The following AGXT2 variants were observed in gnomAD, a reference collection of about 807,000 sequenced individuals.
AGXT2 encodes alanine--glyoxylate aminotransferase 2, mitochondrial.
In AGXT2, 61 loss-of-function variants were observed where a neutral mutation model predicts 62.5. The observed-to-expected ratio is 0.98, with a 90% confidence interval of 0.79 to 1.21. The LOEUF is 1.21. AGXT2 is among the 50% of genes most tolerant of loss of function. The pLI, the probability that AGXT2 is intolerant of heterozygous loss-of-function variation, is 0.00. For missense variants in AGXT2, 666 were observed against 641.5 expected (o/e 1.04, Z -0.41); for synonymous variants, 243 against 218.7 (o/e 1.11, Z -0.98).
intron 13 of AGXT2, among the ~76,000 whole-genome samples, chr5:35,002,315 G>A (rs755272246): frequency 6.6e-6 from 1 of 152,168 alleles, no homozygotes; most frequent in Non-Finnish European, 1.5e-5. Flanking sequence ...GGGGAAGTTG[G>A]GGAAAAATTG....
chr5:35,013,851 CTCTT>C, intron 10 of AGXT2, 132 bp downstream of exon 10: 2 of 1,308,536 alleles, frequency 1.5e-6, no homozygotes, highest in Non-Finnish European at 2.2e-6. Context: ...GACTGTTTCT[CTCTT>C]TCATTTGCTT....
intron 9 of AGXT2, among the ~76,000 whole-genome samples, chr5:35,019,900 G>T (rs917746160): frequency 5.1e-4 from 77 of 152,286 alleles, no homozygotes; most frequent in Non-Finnish European, 8.4e-4. Context: ...TATCACCACT[G>T]ATCCCACAGA....
chr5:35,039,238 G>T, intron 3 of AGXT2, 86 bp downstream of exon 3: 1 of 1,448,332 alleles, frequency 6.9e-7, no homozygotes, highest in African/African-American at 1.4e-5. Context: ...ACCAAGATAA[G>T]CAAATCAAGA....
chr5:35,002,544 T>C (rs1166725102), intron 13 of AGXT2, among the ~76,000 whole-genome samples: 1 of 152,170 alleles, frequency 6.6e-6, no homozygotes, highest in African/African-American at 2.4e-5. Flanking sequence ...AAGTGGAGCC[T>C]TTGGGAAGTG....
intron 12 of AGXT2, among the ~76,000 whole-genome samples, chr5:35,005,661 G>A (rs1275754115): frequency 8.8e-6 from 1 of 113,372 alleles, no homozygotes; most frequent in Admixed American, 9.7e-5. Flanking sequence ...CATCTTGTAT[G>A]CCATCCTCAG....
intron 9 of AGXT2, among the ~76,000 whole-genome samples, chr5:35,023,390 C>T (rs958902569): frequency 1.3e-5 from 2 of 152,126 alleles, no homozygotes; most frequent in African/African-American, 4.8e-5. Context: ...AGAGTTCCAG[C>T]TATTCTTATT....
chr5:35,003,851 C>T lies in AGXT2; in HGVS notation c.1349G>A (p.Arg450Gln). The change falls in exon 13 of 14, where the codon CGG becomes CAG. Residue 450 changes from arginine to glutamine, a missense_variant. By Grantham distance (43) the Arg-to-Gln change is conservative. Coordinates refer to ENST00000231420, the MANE Select transcript of AGXT2 (RefSeq NM_031900.4). Reference sequence around the variant, plus strand: ...ATTTACTTCTTCACGGGGAAGAGGCCGACAGCTTATCTGTAAATATATTTT... The same window carrying T: ...ATTTACTTCTTCACGGGGAAGAGGCTGACAGCTTATCTGTAAATATATTTT... Reference protein sequence around the residue: ...IEMVQDKISCRPLPREEVNQI... With the variant: ...IEMVQDKISCQPLPREEVNQI... The T allele has an allele frequency of 6.2e-7, 1 of 1,613,822 alleles. No individual in the cohort carries two copies. Among genetic ancestry groups the T allele is most frequent in the East Asian group, 2.2e-5 (1 of 44,878 alleles).
chr5:35,042,915 C>T (rs10521022), intron 1 of AGXT2, among the ~76,000 whole-genome samples: 43,669 of 152,006 alleles, frequency 0.29, 6,919 homozygotes, highest in Non-Finnish European at 0.37. Context: ...GCTAACCAGA[C>T]GACAGCTAAT....
chr5:34,998,740 G>A lies in AGXT2; in HGVS notation c.1524C>T (p.His508=), dbSNP rs764132678. The A allele has an allele frequency of 6.2e-7, 1 of 1,613,172 alleles. No homozygotes were observed. The highest frequency in any genetic ancestry group is 1.1e-5 in the South Asian group (1 of 91,070). ...VEVFRSALTQ[H]MERRAK ...AATGTTACTTAGCTCTTCTTTCCAT[G>A]TGTTGGGTTAAGGCAGAACGAAATA... Residue 508 remains histidine (H), a synonymous_variant, in exon 14 of 14, where the codon CAC becomes CAT. Coordinates refer to ENST00000231420, the MANE Select transcript of AGXT2 (RefSeq NM_031900.4).
chr5:35,008,415 C>A (rs114966804), intron 12 of AGXT2, among the ~76,000 whole-genome samples: 1 of 152,258 alleles, frequency 6.6e-6, no homozygotes, highest in Non-Finnish European at 1.5e-5. Flanking sequence ...TCTCATTGGG[C>A]TTTCCTCTCT....
At chr5:35,039,134 C>T (rs985688977) in intron 3 of AGXT2, among the ~76,000 whole-genome samples, 190 bp downstream of exon 3, 3 of 152,120 alleles carry the variant, frequency 2.0e-5, no homozygotes, top group South Asian at 2.1e-4. Context: ...CAAAATCTTG[C>T]ATTGTCAAGA....
intron 13 of AGXT2, 111 bp from the exon 14 acceptor site, chr5:34,998,937 G>A (rs1766128400): frequency 4.9e-6 from 4 of 818,836 alleles, no homozygotes; most frequent in South Asian, 1.4e-5. Flanking sequence ...TGTTTCTCAT[G>A]TTTCTCTCAG....
At chr5:35,021,078 A>G (rs1364894240) in intron 9 of AGXT2, among the ~76,000 whole-genome samples, 2 of 152,224 alleles carry the variant, frequency 1.3e-5, no homozygotes, top group African/African-American at 2.4e-5. Context: ...AAAAGAAGAT[A>G]CAAACAAATG....
chr5:35,010,236 T>C, intron 11 of AGXT2, 87 bp from the exon 12 acceptor site: 1 of 1,513,774 alleles, frequency 6.6e-7, no homozygotes, highest in Non-Finnish European at 9.2e-7. Flanking sequence ...GACATGGCCC[T>C]CTTGTAACTT....
chr5:35,002,919 G>T (rs1032787874), intron 13 of AGXT2, among the ~76,000 whole-genome samples: 26 of 152,236 alleles, frequency 1.7e-4, no homozygotes, highest in Admixed American at 1.7e-3. Flanking sequence ...GTTGTGAGAG[G>T]CAGGGATGGA....
intron 13 of AGXT2, among the ~76,000 whole-genome samples, chr5:35,001,606 C>A (rs2112159545): frequency 6.6e-6 from 1 of 152,230 alleles, no homozygotes; most frequent in Admixed American, 6.5e-5. Context: ...TCAGTTCATG[C>A]AAAGTGTTAG....
chr5:35,032,368 C>T (rs1386116200), intron 7 of AGXT2, among the ~76,000 whole-genome samples: 1 of 152,180 alleles, frequency 6.6e-6, no homozygotes, highest in East Asian at 1.9e-4. Flanking sequence ...ACTGGGACTA[C>T]AGGCATGCCA....
chr5:35,026,375 T>G (rs1305289943), intron 8 of AGXT2, 35 bp downstream of exon 8: 1 of 1,529,354 alleles, frequency 6.5e-7, no homozygotes. Context: ...AATTGAAGAT[T>G]CAGCTCCATT....
In AGXT2 at chr5:34,998,739, T is replaced by A. The variant is rs760906660; in HGVS notation, c.1525A>T (p.Met509Leu). 7.9e-5 allele frequency: 128 copies of A among 1,613,164 alleles called. No individual in the cohort carries two copies. Among genetic ancestry groups the A allele is most frequent in the Non-Finnish European group, 3.4e-6 (4 of 1,179,306 alleles). Residue 509 changes from methionine to leucine, a missense_variant, in exon 14 of 14, where the codon ATG (methionine) becomes TTG (leucine). Coordinates refer to ENST00000231420, the MANE Select transcript of AGXT2 (RefSeq NM_031900.4). ...CAATGTTACTTAGCTCTTCTTTCCATGTGTTGGGTTAAGGCAGAACGAAAT... is the reference window on the plus strand; with the variant it reads ...CAATGTTACTTAGCTCTTCTTTCCAAGTGTTGGGTTAAGGCAGAACGAAAT... ...EVFRSALTQH[M>L]ERRAK
Sources: gnomAD v4.1 joint callset for allele counts (sites outside exome capture counted in the v4.1 genomes callset) on GRCh38, gnomAD v4.1.1 for gene constraint, MANE v1.5 for transcripts, NCBI Gene and HGNC (gene_info 2026-07-23, HGNC 2026-07-21) for gene names.